The following ERAP1 variants were observed in gnomAD, a reference collection of about 807,000 sequenced individuals.
The protein encoded by ERAP1 is adipocyte-derived leucine aminopeptidase.
A neutral mutation model predicts 103.7 loss-of-function variants in ERAP1; 86 were observed. The observed-to-expected ratio is 0.83, with a 90% CI of 0.70 to 0.99. ERAP1 has a LOEUF of 0.99. ERAP1 is among the 50% of genes least tolerant of loss of function. The pLI is 0.00. For missense variants in ERAP1, 1,009 were observed against 1,128.4 expected (o/e 0.89, Z 1.52); for synonymous variants, 398 against 402.4 (o/e 0.99, Z 0.13).
the ERAP1 span, among the ~76,000 whole-genome samples, chr5:96,838,110 C>T: frequency 6.6e-6 from 1 of 152,086 alleles, no homozygotes; most frequent in Non-Finnish European, 1.5e-5. Flanking sequence ...AGCGGGAAAA[C>T]GGGAATGCAT....
At chr5:96,892,346 G>C in the ERAP1 span, 1 of 1,613,778 alleles carries the variant, frequency 6.2e-7, no homozygotes, top group Non-Finnish European at 8.5e-7. Flanking sequence ...GGAAAATTGG[G>C]GCCTCATTAC....
chr5:96,879,526 C>A, the ERAP1 span: 2 of 578,880 alleles, frequency 3.5e-6, no homozygotes, highest in African/African-American at 1.9e-5. Flanking sequence ...AAATTGAAAT[C>A]TTTTTTGTCA....
At chr5:96,886,982 C>G in the ERAP1 span, among the ~76,000 whole-genome samples, 4 of 151,136 alleles carry the variant, frequency 2.6e-5, no homozygotes, top group South Asian at 8.4e-4. Flanking sequence ...TTAATGTAAG[C>G]CTTCCAAATA....
chr5:96,796,313 T>C (rs73144480), intron 4 of ERAP1, among the ~76,000 whole-genome samples: 5,006 of 152,274 alleles, frequency 0.033, 270 homozygotes, highest in African/African-American at 0.11. Flanking sequence ...CACAGTTGAA[T>C]AGGTTGCCCA....
At chr5:96,852,536 C>G in the ERAP1 span, among the ~76,000 whole-genome samples, 1 of 152,138 alleles carries the variant, frequency 6.6e-6, no homozygotes, top group Non-Finnish European at 1.5e-5. Flanking sequence ...TTCCATTCCC[C>G]ACATTTTCTA....
chr5:96,909,992 G>A, the ERAP1 span: 1 of 424,822 alleles, frequency 2.4e-6, no homozygotes, highest in Non-Finnish European at 4.3e-6. Flanking sequence ...CTGGCTGGAT[G>A]CAGTGGCCCA....
At chr5:96,807,783 CGGGCGCAGG>C in intron 1 of ERAP1, 68 bp downstream of exon 1, 2 of 957,584 alleles carry the variant, frequency 2.1e-6, no homozygotes, top group Non-Finnish European at 2.5e-6. Flanking sequence ...CCCCACTTGA[CGGGCGCAGG>C]GAAGGGGCGG....
the ERAP1 span, among the ~76,000 whole-genome samples, chr5:96,866,169 C>T: frequency 6.6e-6 from 1 of 152,108 alleles, no homozygotes; most frequent in Non-Finnish European, 1.5e-5. Flanking sequence ...CAGTGTTATG[C>T]CTTATTCTCT....
the ERAP1 span, among the ~76,000 whole-genome samples, chr5:96,854,815 G>A: frequency 6.6e-6 from 1 of 152,128 alleles, no homozygotes; most frequent in Non-Finnish European, 1.5e-5. Context: ...CCTTGAAACA[G>A]TCACTTCTAT....
intron 3 of ERAP1, among the ~76,000 whole-genome samples, chr5:96,798,324 C>CAAGAAA (rs1777584641): frequency 1.3e-5 from 1 of 76,372 alleles, no homozygotes; most frequent in Non-Finnish European, 2.4e-5. Flanking sequence ...GACTCCATCT[C>CAAGAAA]AAAAAAAAAA....
chr5:96,824,060 G>A, the ERAP1 span, among the ~76,000 whole-genome samples: 11 of 152,178 alleles, frequency 7.2e-5, no homozygotes, highest in African/African-American at 2.7e-4. Flanking sequence ...AGAGCAGAGA[G>A]GCACAAGATT....
At chr5:96,815,395 G>GT in the ERAP1 span, among the ~76,000 whole-genome samples, 2 of 141,044 alleles carry the variant, frequency 1.4e-5, no homozygotes, top group African/African-American at 2.6e-5. Context: ...TGTTGTTGTT[G>GT]TTGTTTGTTT....
At chr5:96,908,652 C>T in the ERAP1 span, among the ~76,000 whole-genome samples, 1 of 152,146 alleles carries the variant, frequency 6.6e-6, no homozygotes, top group Admixed American at 6.5e-5. Flanking sequence ...ATTTATTAAC[C>T]TTTTGCTATG....
At chr5:96,879,985 G>C in the ERAP1 span, 2 of 1,614,048 alleles carry the variant, frequency 1.2e-6, no homozygotes, top group Non-Finnish European at 1.7e-6. Context: ...TCGAAGTCTT[G>C]GTCAGCAATG....
chr5:96,801,807 G>A lies in ERAP1; in HGVS notation c.525-807C>T, dbSNP rs573706120. Among the ~76,000 whole-genome samples the A allele has an allele frequency of 1.6e-3, 205 of 125,964 alleles. 1 individual carries two copies. Among genetic ancestry groups the A allele is most frequent in the Admixed American group, 0.011 (112 of 10,096 alleles). 82.6% of individuals were successfully genotyped at this position (125,964 alleles called of 152,430 possible). ...GCGGAGGTTGCGGTGAGCCGAGTTC[G>A]CGCCACTGCACTCCAGCCTGGGTGA... On this transcript the variant is annotated intron_variant, in intron 2 of 18. Transcript: ENST00000443439.
the ERAP1 span, among the ~76,000 whole-genome samples, chr5:96,834,728 C>A: frequency 0.021 from 3,153 of 152,256 alleles, 109 homozygotes; most frequent in African/African-American, 0.071. Context: ...AATGTTATCA[C>A]TGGAAGTGTT....
the ERAP1 span, among the ~76,000 whole-genome samples, chr5:96,872,112 T>C: frequency 6.6e-5 from 10 of 152,292 alleles, no homozygotes; most frequent in African/African-American, 2.2e-4. Context: ...CTTAGAAGTA[T>C]TTTTAATAGA....
rs1776741773 is a variant in ERAP1 at position 96,791,596 on chromosome 5, A to G, written c.1320+465T>C. On this transcript the variant is annotated intron_variant, in intron 8 of 18. Coordinates refer to ENST00000443439, the MANE Select transcript of ERAP1 (RefSeq NM_001040458.3). ...TCCTTTTTCTTCCCCAAGAGAAGCT[A>G]GAAATCTGGATTTTACATAAAATCT... Among the ~76,000 whole-genome samples the G allele has an allele frequency of 1.3e-5, 2 of 152,238 alleles. 1 individual carries two copies. The highest frequency in any genetic ancestry group is 4.1e-4 in the South Asian group (2 of 4,834).
rs560987565 is a variant in ERAP1 at position 96,803,390 on chromosome 5, GA to G, written c.524+12del. 3.4e-5 allele frequency: 54 copies of G among 1,580,886 alleles called. No individual in the cohort carries two copies. Among genetic ancestry groups the G allele is most frequent in the Admixed American group, 2.7e-4 (16 of 58,668 alleles). ...GCACTTGCAGTTTAAAAGAAAAAGAGAAAAAAAAATACCTCAGTTCCCCTTC... is the reference window on the plus strand; with the variant it reads ...GCACTTGCAGTTTAAAAGAAAAAGAGAAAAAAAATACCTCAGTTCCCCTTC... On this transcript the variant is annotated intron_variant, in intron 2 of 18. Transcript: ENST00000443439.
Sources: gnomAD v4.1 joint callset for allele counts (sites outside exome capture counted in the v4.1 genomes callset) on GRCh38, gnomAD v4.1.1 for gene constraint, MANE v1.5 for transcripts, NCBI Gene and HGNC (gene_info 2026-07-23, HGNC 2026-07-21) for gene names.